Variants in EGFLAM observed in about 807,000 individuals in gnomAD.
EGFLAM encodes pikachurin.
Under a neutral mutation model 113.1 loss-of-function variants are expected in EGFLAM, and 79 were observed. The observed-to-expected ratio is 0.70, with a 90% CI of 0.58 to 0.84. The LOEUF is 0.84. EGFLAM is among the 40% of genes least tolerant of loss of function. The pLI is 0.00. For synonymous variants in EGFLAM, 504 were observed against 487.6 expected, an observed-to-expected ratio of 1.03 and a Z score of -0.44; for missense variants, 1,265 against 1,291.6, an observed-to-expected ratio of 0.98 and a Z score of 0.32.
intron 1 of EGFLAM, among the ~76,000 whole-genome samples, chr5:38,293,637 T>C (rs950841293): frequency 6.6e-6 from 1 of 152,172 alleles, no homozygotes; most frequent in Non-Finnish European, 1.5e-5. Flanking sequence ...AATGGTGGAG[T>C]TGCAGGTTTT....
chr5:38,374,945 G>A (rs1740324436), intron 6 of EGFLAM, among the ~76,000 whole-genome samples: 1 of 152,036 alleles, frequency 6.6e-6, no homozygotes, highest in South Asian at 2.1e-4. Context: ...TTTTTAATGG[G>A]GTTGTTTCTT....
chr5:38,448,491 C>T, intron 18 of EGFLAM, 112 bp downstream of exon 18: 1 of 1,105,270 alleles, frequency 9.0e-7, no homozygotes. Flanking sequence ...CAAAGAAGAC[C>T]ATTCAGCCAT....
intron 6 of EGFLAM, among the ~76,000 whole-genome samples, chr5:38,385,051 C>A (rs954263054): frequency 1.6e-4 from 24 of 151,934 alleles, no homozygotes; most frequent in African/African-American, 5.8e-4. Flanking sequence ...GTTGAGGAAC[C>A]CTGCTATAGA....
At chr5:38,453,806 C>T (rs1252138573) in intron 19 of EGFLAM, among the ~76,000 whole-genome samples, 1 of 152,146 alleles carries the variant, frequency 6.6e-6, no homozygotes, top group East Asian at 1.9e-4. Flanking sequence ...CCAACTTCCC[C>T]CTAAACTGCC....
At position 38,384,953 on chromosome 5, in the gene EGFLAM, G is replaced by A. The variant is rs566539109; in HGVS notation, c.712+14491G>A. 6.1e-4 allele frequency among the ~76,000 whole-genome samples: 93 copies of A among 152,202 alleles called. 1 individual carries two copies. The South Asian group carries it at 0.014, about 22-fold the overall frequency. On this transcript the variant is annotated intron_variant, in intron 6 of 21. Transcript: ENST00000322350. ...TGGCATTTAGTCAGTAGAGACTAGA[G>A]ATGTTGCTAAATATGAATACCTTGC...
Position 38,463,813 on chromosome 5 carries a change from C to T in EGFLAM, c.2876-19C>T, listed in dbSNP as rs752177147. On this transcript the variant is annotated intron_variant, in intron 21 of 21. Coordinates refer to ENST00000322350, the MANE Select transcript of EGFLAM (RefSeq NM_152403.4). ...ACCTGTCCTTTGGCTCACCTCATCT[C>T]CCTCTTGCTTCCTGGCAGGTGGAAT... 11 of 1,610,910 alleles carry T rather than the reference C, an allele frequency of 6.8e-6. No homozygotes were observed. Among genetic ancestry groups the T allele is most frequent in the Non-Finnish European group, 9.3e-6 (11 of 1,178,340 alleles).
chr5:38,383,183 T>A (rs904964494), intron 6 of EGFLAM, among the ~76,000 whole-genome samples: 1 of 152,186 alleles, frequency 6.6e-6, no homozygotes, highest in African/African-American at 2.4e-5. Flanking sequence ...AATTTTAGAT[T>A]TTTTTCTGGT....
intron 18 of EGFLAM, among the ~76,000 whole-genome samples, chr5:38,448,846 T>G (rs1742811651): frequency 6.6e-6 from 1 of 152,120 alleles, no homozygotes; most frequent in Non-Finnish European, 1.5e-5. Context: ...CCCTGCTGAG[T>G]CCATACCTAC....
chr5:38,408,245 G>A (rs747841941), intron 9 of EGFLAM, among the ~76,000 whole-genome samples: 23 of 152,282 alleles, frequency 1.5e-4, no homozygotes, highest in South Asian at 6.2e-4. Context: ...TGCATTCCCC[G>A]TTCCAAAATT....
chr5:38,381,107 T>C (rs1648161664), intron 6 of EGFLAM, among the ~76,000 whole-genome samples: 1 of 152,208 alleles, frequency 6.6e-6, no homozygotes, highest in Non-Finnish European at 1.5e-5. Context: ...CACACAATTA[T>C]CTTACCCATT....
chr5:38,445,526 A>G, intron 17 of EGFLAM: 1 of 1,554,072 alleles, frequency 6.4e-7, no homozygotes, highest in South Asian at 1.2e-5. Flanking sequence ...GCTCATATTC[A>G]CATTCCCTAA....
intron 3 of EGFLAM, among the ~76,000 whole-genome samples, chr5:38,343,785 C>T (rs1739405375): frequency 6.6e-6 from 1 of 152,192 alleles, no homozygotes; most frequent in South Asian, 2.1e-4. Flanking sequence ...TGAGGCCCAG[C>T]CTTGACTTGT....
At chr5:38,434,002 G>C (rs1191430730) in intron 15 of EGFLAM, among the ~76,000 whole-genome samples, 1 of 152,154 alleles carries the variant, frequency 6.6e-6, no homozygotes, top group Non-Finnish European at 1.5e-5. Context: ...CGCCTGTCTT[G>C]TCTTCTCTAC....
chr5:38,431,362 A>G (rs564114375), intron 15 of EGFLAM, 74 bp downstream of exon 15: 1 of 1,469,672 alleles, frequency 6.8e-7, no homozygotes, highest in African/African-American at 1.4e-5. Flanking sequence ...CTTGGTAGAA[A>G]AGCAGCAGAG....
intron 5 of EGFLAM, among the ~76,000 whole-genome samples, chr5:38,363,523 A>G (rs1739981842): frequency 6.6e-6 from 1 of 152,140 alleles, no homozygotes; most frequent in Non-Finnish European, 1.5e-5. Flanking sequence ...AATCACAAGT[A>G]TTTTCTTATC....
chr5:38,449,516 G>T (rs947219993), intron 18 of EGFLAM, among the ~76,000 whole-genome samples: 7 of 152,186 alleles, frequency 4.6e-5, no homozygotes, highest in Admixed American at 2.0e-4. Context: ...AGCAGTGACA[G>T]CGTGAAAGGG....
At chr5:38,365,556 T>G (rs1184399984) in intron 5 of EGFLAM, among the ~76,000 whole-genome samples, 4 of 152,172 alleles carry the variant, frequency 2.6e-5, no homozygotes, top group Non-Finnish European at 5.9e-5. Flanking sequence ...GGGGAAAAGT[T>G]CAGTGCAGTG....
Position 38,407,125 on chromosome 5 carries a change from G to A in EGFLAM, c.1126G>A (p.Gly376Ser). Residue 376 changes from glycine (G) to serine (S), a missense_variant, in exon 8 of 22, where the codon GGT (glycine) becomes AGT (serine). Transcript: ENST00000322350. ...GSRCQCTLGK[G>S]GESCSEDIVI... Reference sequence around the variant, plus strand: ...GCGATGCCAGTGCACCCTGGGCAAAGGTGGTGAGAGCTGCTCAGAAGGTAG... The same window carrying A: ...GCGATGCCAGTGCACCCTGGGCAAAAGTGGTGAGAGCTGCTCAGAAGGTAG... 1 of 1,613,714 alleles carries A rather than the reference G, an allele frequency of 6.2e-7. No individual in the cohort carries two copies. Among genetic ancestry groups the A allele is most frequent in the Non-Finnish European group, 8.5e-7 (1 of 1,180,008 alleles).
intron 1 of EGFLAM, among the ~76,000 whole-genome samples, chr5:38,291,983 T>C (rs1286650791): frequency 6.6e-6 from 1 of 152,192 alleles, no homozygotes; most frequent in African/African-American, 2.4e-5. Context: ...GGAGTCACTT[T>C]CTGGGTTTTG....
Sources: allele counts gnomAD v4.1 joint callset (sites outside exome capture counted in the v4.1 genomes callset), GRCh38; gene constraint gnomAD v4.1.1; transcripts MANE v1.5; gene names NCBI Gene and HGNC (gene_info 2026-07-23, HGNC 2026-07-21).